The following COL9A3 variants were observed in gnomAD, a reference collection of about 807,000 sequenced individuals.
COL9A3 encodes the protein collagen alpha-3(IX) chain.
COL9A3 carries 82 observed loss-of-function variants against 110.2 expected under a neutral mutation model. That is an observed-to-expected ratio of 0.74 (90% CI 0.62 to 0.89). The LOEUF is 0.89. Ranked by LOEUF, COL9A3 falls within the 40% of genes least tolerant of loss-of-function variation. The probability of loss-of-function intolerance (pLI) is 0.00; values close to 1 mark genes in which losing one functional copy is unlikely to be tolerated. For synonymous variants in COL9A3, 494 were observed against 403.8 expected, an observed-to-expected ratio of 1.22 and a Z score of -2.68; for missense variants, 1,066 against 981.3, an observed-to-expected ratio of 1.09 and a Z score of -1.15.
chr20:62,827,539 G>A (rs956032206), intron 16 of COL9A3, among the ~76,000 whole-genome samples: 1 of 152,224 alleles, frequency 6.6e-6, no homozygotes, highest in Admixed American at 6.5e-5. Flanking sequence ...CGAGCCGGGT[G>A]GAGGGACCAG....
intron 29 of COL9A3, 42 bp downstream of exon 29, chr20:62,836,574 C>A: frequency 6.5e-7 from 1 of 1,537,484 alleles, no homozygotes; most frequent in East Asian, 2.3e-5. Flanking sequence ...GGCCCATCCC[C>A]GCCTGGGGGT....
chr20:62,829,579 GC>G, intron 20 of COL9A3, 48 bp from the exon 21 acceptor site: 1 of 1,611,008 alleles, frequency 6.2e-7, no homozygotes, highest in South Asian at 1.1e-5. Context: ...CAGCGACCTG[GC>G]CCCAGTGCAG....
Position 62,836,201 on chromosome 20 carries a change from G to C in COL9A3, c.1416G>C (p.Gly472=), listed in dbSNP as rs749217106. The C allele has an allele frequency of 1.9e-6, 3 of 1,613,312 alleles. No individual in the cohort carries two copies. Among genetic ancestry groups the C allele is most frequent in the African/African-American group, 2.7e-5 (2 of 74,928 alleles). Residue 472 remains glycine (G), a synonymous_variant, in exon 28 of 32, where the codon GGG becomes GGC. Transcript: ENST00000649368. Reference sequence around the variant, plus strand: ...TTCCTCTGCAGTCTGGCAGTCGAGGGGAGCTGGGCCCCAAAGGCACCCAGG... The same window carrying C: ...TTCCTCTGCAGTCTGGCAGTCGAGGCGAGCTGGGCCCCAAAGGCACCCAGG... ...VGPKGESGSR[G]ELGPKGTQGP...
In COL9A3 at chr20:62,840,657, G is replaced by A; in HGVS notation, c.1980G>A (p.Gly660=). The A allele has an allele frequency of 6.2e-7, 1 of 1,608,588 alleles. No individual in the cohort carries two copies. The highest frequency in any genetic ancestry group is 8.5e-7 in the Non-Finnish European group (1 of 1,177,904). The part of the protein sequence containing the change: ...PGAIGAQGTP[G]ICDTSACQGA... ...CCATTGGGGCCCAGGGGACACCGGGGATCTGCGACACCTCAGCCTGCCAAG... is the reference window on the plus strand; with the variant it reads ...CCATTGGGGCCCAGGGGACACCGGGAATCTGCGACACCTCAGCCTGCCAAG... The change falls in exon 32 of 32, where the codon GGG becomes GGA. Residue 660 remains glycine (G), a synonymous_variant. Transcript: ENST00000649368.
Position 62,821,752 on chromosome 20 carries a change from T to C in COL9A3, c.370-5T>C. On this transcript the variant is annotated splice_polypyrimidine_tract_variant and splice_region_variant and intron_variant, in intron 7 of 31. Transcript: ENST00000649368. ...ACCTCCCCACCTCTCTTTACTTCCC[T>C]CCAGGGAGAGGCAGGAGTGAGCGGC... 1 of 1,609,952 alleles carries C rather than the reference T, an allele frequency of 6.2e-7. No homozygotes were observed. Among genetic ancestry groups the C allele is most frequent in the Non-Finnish European group, 8.5e-7 (1 of 1,178,514 alleles).
At position 62,818,911 on chromosome 20, in the gene COL9A3, G is replaced by A. The variant is rs551652191; in HGVS notation, c.184-311G>A. Reference sequence around the variant, plus strand: ...GGTCCTGGGGCTCAGAGCCCTGTCTGGGCCCACTGGGGGTCCGACAGAGAT... The same window carrying A: ...GGTCCTGGGGCTCAGAGCCCTGTCTAGGCCCACTGGGGGTCCGACAGAGAT... On this transcript the variant is annotated intron_variant, in intron 3 of 31. Coordinates refer to ENST00000649368, the MANE Select transcript of COL9A3 (RefSeq NM_001853.4). Among the ~76,000 whole-genome samples the A allele has an allele frequency of 2.6e-5, 4 of 152,330 alleles. No individual in the cohort carries two copies. The South Asian group carries it at 8.3e-4, about 32-fold the overall frequency.
chr20:62,826,707 TG>T, intron 14 of COL9A3, 59 bp from the exon 15 acceptor site: 5 of 1,590,716 alleles, frequency 3.1e-6, no homozygotes, highest in Non-Finnish European at 1.7e-6. Flanking sequence ...GAGGGAGCAC[TG>T]GGGGGATGCC....
At chr20:62,836,589 T>C (rs2063638762) in intron 29 of COL9A3, 57 bp downstream of exon 29, 10 of 1,527,006 alleles carry the variant, frequency 6.5e-6, no homozygotes, top group Non-Finnish European at 8.0e-6. Flanking sequence ...GGGGGTCCCG[T>C]GCCTGGGGCT....
chr20:62,826,157 G>T (rs1351711275), intron 13 of COL9A3, 47 bp from the exon 14 acceptor site: 2 of 1,541,012 alleles, frequency 1.3e-6, no homozygotes. Flanking sequence ...TGCTCCCCGG[G>T]GTGGAGGTGC....
chr20:62,828,845 G>A (rs1029935164), intron 18 of COL9A3, 28 bp downstream of exon 18: 1 of 1,612,822 alleles, frequency 6.2e-7, no homozygotes, highest in Non-Finnish European at 8.5e-7. Context: ...GGTGTGACGG[G>A]AGGGAGGGGG....
intron 13 of COL9A3, 110 bp from the exon 14 acceptor site, chr20:62,826,094 C>G: frequency 1.6e-6 from 2 of 1,261,776 alleles, no homozygotes. Context: ...AGGCTGAGGG[C>G]TCATGGAAGA....
intron 4 of COL9A3, 89 bp downstream of exon 4, chr20:62,819,382 G>C (rs1991045950): frequency 7.7e-7 from 1 of 1,295,310 alleles, no homozygotes; most frequent in Admixed American, 2.0e-5. Context: ...GTCCAGCTGG[G>C]CCTGCTCAGG....
chr20:62,840,844 GCC>G lies in COL9A3; in HGVS notation c.*115_*116del. 7.6e-7 allele frequency: 1 copy of G among 1,311,100 alleles called. No homozygotes were observed. Among genetic ancestry groups the G allele is most frequent in the South Asian group, 1.3e-5 (1 of 77,652 alleles). 81.2% of individuals were successfully genotyped at this position (1,311,100 alleles called of 1,614,324 possible). On this transcript the variant is annotated 3_prime_UTR_variant, in exon 32 of 32. Coordinates refer to ENST00000649368, the MANE Select transcript of COL9A3 (RefSeq NM_001853.4). ...TCCAGGAGAGGGAGCGCCCCTGGCT[GCC>G]CCTCGGCCGCCGACTGGACGCGCGG...
Position 62,824,966 on chromosome 20 carries a change from A to G in COL9A3, c.577-2A>G, listed in dbSNP as rs1052794350. On this transcript the variant is annotated splice_acceptor_variant, in intron 11 of 31. Coordinates refer to ENST00000649368, the MANE Select transcript of COL9A3 (RefSeq NM_001853.4). LOFTEE classifies it high-confidence loss of function. The stretch of plus-strand genomic sequence containing the variant: ...GGGCAGTGACCCCACATTTGCTTGC[A>G]GGGACCCACTGGCTACAAAGGCGAG... 5.0e-6 allele frequency: 8 copies of G among 1,608,842 alleles called. No individual in the cohort carries two copies. Among genetic ancestry groups the G allele is most frequent in the Non-Finnish European group, 6.8e-6 (8 of 1,178,614 alleles).
At chr20:62,839,107 C>T (rs2063655633) in intron 31 of COL9A3, among the ~76,000 whole-genome samples, 1 of 152,050 alleles carries the variant, frequency 6.6e-6, no homozygotes, top group Non-Finnish European at 1.5e-5. Flanking sequence ...CGCCTGTAAT[C>T]CCAGATACTT....
intron 12 of COL9A3, chr20:62,825,499 G>A: frequency 2.0e-6 from 1 of 502,872 alleles, no homozygotes; most frequent in Non-Finnish European, 3.6e-6. Flanking sequence ...CTTTAGCGTG[G>A]CTGGAGTGAT....
intron 27 of COL9A3, 25 bp from the exon 28 acceptor site, chr20:62,836,162 C>T (rs760967212): frequency 6.8e-6 from 11 of 1,611,776 alleles, no homozygotes; most frequent in Non-Finnish European, 9.3e-6. Context: ...TCGCCCCTGA[C>T]CCACCTTCCT....
intron 30 of COL9A3, 87 bp from the exon 31 acceptor site, chr20:62,838,597 G>A (rs982792211): frequency 8.2e-7 from 1 of 1,222,964 alleles, no homozygotes; most frequent in African/African-American, 1.5e-5. Flanking sequence ...CTGGCACCCT[G>A]TTTGTTACAA....
At chr20:62,834,478 C>T (rs529257741) in intron 26 of COL9A3, among the ~76,000 whole-genome samples, 28 of 152,268 alleles carry the variant, frequency 1.8e-4, no homozygotes, top group Non-Finnish European at 3.1e-4. Context: ...CTGGCTTTCC[C>T]GAGGGGGGTT....
Sources: allele counts gnomAD v4.1 joint callset (sites outside exome capture counted in the v4.1 genomes callset), GRCh38; gene constraint gnomAD v4.1.1; transcripts MANE v1.5; gene names NCBI Gene and HGNC (gene_info 2026-07-23, HGNC 2026-07-21).